The following LARGE1 variants were observed in gnomAD, a reference collection of about 807,000 sequenced individuals.
The protein encoded by LARGE1 is xylosyl- and glucuronyltransferase LARGE1.
In LARGE1, 43 loss-of-function variants were observed where a neutral mutation model predicts 87.6. That is an observed-to-expected ratio of 0.49 (90% CI 0.38 to 0.63). The LOEUF (loss-of-function observed/expected upper bound fraction) is 0.63. Among genes scored for constraint, LARGE1 ranks in the 30% least tolerant of loss-of-function variants. The pLI is 0.00. For synonymous variants in LARGE1, 434 were observed against 394.6 expected (o/e 1.10, Z -1.18); for missense variants, 802 against 1,000.2 (o/e 0.80, Z 2.67).
chr22:33,217,550 A>G (rs949123988), intron 11 of LARGE1, among the ~76,000 whole-genome samples: 2 of 152,354 alleles, frequency 1.3e-5, no homozygotes, highest in East Asian at 3.9e-4. Context: ...AATATTCACT[A>G]TATTATTATA....
intron 1 of LARGE1, among the ~76,000 whole-genome samples, chr22:33,782,576 A>T (rs115357080): frequency 0.013 from 1,935 of 152,294 alleles, 49 homozygotes; most frequent in African/African-American, 0.045. Flanking sequence ...AAAATAAAGA[A>T]TCAAATTGGG....
At chr22:33,577,381 C>T (rs1473441467) in intron 5 of LARGE1, among the ~76,000 whole-genome samples, 5 of 152,216 alleles carry the variant, frequency 3.3e-5, no homozygotes, top group Non-Finnish European at 7.3e-5. Flanking sequence ...GCATACACAT[C>T]TCAAAAACCT....
chr22:33,241,822 A>G (rs1926537753), intron 11 of LARGE1, among the ~76,000 whole-genome samples: 2 of 152,224 alleles, frequency 1.3e-5, no homozygotes, highest in South Asian at 4.2e-4. Flanking sequence ...ACAAGTAGAG[A>G]GTAGGATGAT....
At chr22:33,118,485 C>G in the LARGE1 span, among the ~76,000 whole-genome samples, 2 of 144,932 alleles carry the variant, frequency 1.4e-5, no homozygotes, top group Non-Finnish European at 3.0e-5. Flanking sequence ...GAGAGGGACC[C>G]TGCCTCAGAA....
intron 6 of LARGE1, among the ~76,000 whole-genome samples, chr22:33,560,960 G>A (rs1398154707): frequency 4.6e-5 from 7 of 151,992 alleles, no homozygotes; most frequent in East Asian, 3.9e-4. Context: ...GACTACAGGC[G>A]TCCGCCACCA....
intron 6 of LARGE1, among the ~76,000 whole-genome samples, chr22:33,496,377 G>A (rs1015337756): frequency 6.6e-6 from 1 of 152,082 alleles, no homozygotes; most frequent in Non-Finnish European, 1.5e-5. Flanking sequence ...CCATCACGGT[G>A]AGTGATAATA....
intron 6 of LARGE1, among the ~76,000 whole-genome samples, chr22:33,512,666 G>A (rs993367058): frequency 6.6e-6 from 1 of 151,966 alleles, no homozygotes. Flanking sequence ...AGCCGGGAGT[G>A]GTGGCAGGCG....
At chr22:33,760,456 C>G (rs184529854) in intron 2 of LARGE1, among the ~76,000 whole-genome samples, 8 of 152,278 alleles carry the variant, frequency 5.3e-5, no homozygotes, top group Admixed American at 2.0e-4. Context: ...CAGCCCAGGT[C>G]TGACAGCTCC....
intron 1 of LARGE1, among the ~76,000 whole-genome samples, chr22:33,834,371 T>C (rs549277510): frequency 3.3e-5 from 5 of 152,286 alleles, no homozygotes; most frequent in Admixed American, 2.6e-4. Context: ...AACTGAAGAA[T>C]CACAAAAGAA....
At chr22:33,533,535 C>A (rs151320521) in intron 6 of LARGE1, among the ~76,000 whole-genome samples, 7 of 152,280 alleles carry the variant, frequency 4.6e-5, no homozygotes, top group African/African-American at 1.2e-4. Context: ...GCTCCCTCAG[C>A]CTTAGTTGTT....
chr22:33,675,999 GTTTT>G (rs2081566100), intron 2 of LARGE1, among the ~76,000 whole-genome samples: 1 of 111,636 alleles, frequency 9.0e-6, no homozygotes, highest in South Asian at 2.5e-4. Context: ...AAGCCTGGAG[GTTTT>G]CTTTTTTTTT....
chr22:33,859,959 T>TG lies in LARGE1; in HGVS notation c.-83+60035dup, dbSNP rs1369416666. ...ATAGAGAATGCTGCTTGCCAGGGGC[T>TG]GGGAGGAGGGGAAAATAGGGAGTTC... On this transcript the variant is annotated intron_variant, in intron 1 of 14. Coordinates refer to ENST00000397394, the MANE Select transcript of LARGE1 (RefSeq NM_133642.5). 3.9e-5 allele frequency among the ~76,000 whole-genome samples: 6 copies of TG among 152,208 alleles called. No homozygotes were observed. The East Asian group carries it at 1.2e-3, about 29-fold the overall frequency.
At chr22:33,580,864 T>C (rs2078499222) in intron 5 of LARGE1, among the ~76,000 whole-genome samples, 1 of 152,216 alleles carries the variant, frequency 6.6e-6, no homozygotes, top group South Asian at 2.1e-4. Context: ...GAATTCAGCC[T>C]GGCTGAGTGG....
intron 2 of LARGE1, among the ~76,000 whole-genome samples, chr22:33,709,200 GAC>G (rs1368454484): frequency 6.6e-6 from 1 of 152,220 alleles, no homozygotes; most frequent in East Asian, 1.9e-4. Flanking sequence ...AGCAAAATGA[GAC>G]ACACAGGAAG....
chr22:33,190,362 C>A (rs868551286), intron 11 of LARGE1, among the ~76,000 whole-genome samples: 4 of 152,202 alleles, frequency 2.6e-5, no homozygotes, highest in South Asian at 2.1e-4. Flanking sequence ...AGCCAGACCA[C>A]GTCCTCCTTC....
chr22:33,502,542 C>T (rs1199724182), intron 6 of LARGE1, among the ~76,000 whole-genome samples: 1 of 152,020 alleles, frequency 6.6e-6, no homozygotes, highest in Non-Finnish European at 1.5e-5. Context: ...ATAGGTGCCA[C>T]CCACCTCTGC....
At chr22:33,782,075 A>G (rs1371445904) in intron 1 of LARGE1, among the ~76,000 whole-genome samples, 2 of 152,204 alleles carry the variant, frequency 1.3e-5, no homozygotes, top group Non-Finnish European at 2.9e-5. Flanking sequence ...CAGACAAAGA[A>G]TTGGCATATC....
intron 10 of LARGE1, among the ~76,000 whole-genome samples, chr22:33,335,127 GAGGTAGGAGAAC>G: frequency 6.6e-6 from 1 of 152,338 alleles, no homozygotes. Flanking sequence ...GGAAATAAAC[GAGGTAGGAGAAC>G]AGTTTCCATT....
intron 6 of LARGE1, among the ~76,000 whole-genome samples, chr22:33,533,604 T>G (rs561707044): frequency 1.5e-4 from 23 of 152,358 alleles, no homozygotes; most frequent in African/African-American, 5.5e-4. Context: ...ATAAATGGGC[T>G]AATATCAAGT....
Sources: gnomAD v4.1 joint callset for allele counts (sites outside exome capture counted in the v4.1 genomes callset) on GRCh38, gnomAD v4.1.1 for gene constraint, MANE v1.5 for transcripts, NCBI Gene and HGNC (gene_info 2026-07-23, HGNC 2026-07-21) for gene names.